The following TBCEL variants were observed in gnomAD, a reference collection of about 807,000 sequenced individuals.
TBCEL encodes tubulin folding cofactor E like.
TBCEL carries 15 observed loss-of-function variants against 44.2 expected under a neutral mutation model. The observed-to-expected ratio is 0.34, with a 90% CI of 0.23 to 0.52. TBCEL has a LOEUF of 0.52. TBCEL is among the 20% of genes least tolerant of loss of function. The pLI, the probability that TBCEL is intolerant of heterozygous loss-of-function variation, is 0.95. For missense variants in TBCEL, 319 were observed against 506.3 expected, an observed-to-expected ratio of 0.63 and a Z score of 3.55; for synonymous variants, 171 against 185.4, an observed-to-expected ratio of 0.92 and a Z score of 0.63.
intron 1 of TBCEL, chr11:121,036,155 A>G (rs1945228280): frequency 6.6e-6 from 1 of 152,220 alleles, no homozygotes. Context: ...GAGAGTGGTT[A>G]TGGAAAACTA....
At chr11:121,059,407 T>C (rs1036675604) in intron 7 of TBCEL, among the ~76,000 whole-genome samples, 2 of 151,960 alleles carry the variant, frequency 1.3e-5, no homozygotes, top group Non-Finnish European at 2.9e-5. Context: ...CTGGGCTGTT[T>C]AATATGGTAG....
intron 1 of TBCEL, among the ~76,000 whole-genome samples, chr11:121,034,347 C>A (rs1024182512): frequency 6.6e-6 from 1 of 152,034 alleles, no homozygotes; most frequent in Non-Finnish European, 1.5e-5. Flanking sequence ...AGTATGAAAT[C>A]TTTTGTGGTT....
At chr11:121,065,280 G>T (rs1306683768) in intron 8 of TBCEL, among the ~76,000 whole-genome samples, 1 of 152,144 alleles carries the variant, frequency 6.6e-6, no homozygotes, top group Non-Finnish European at 1.5e-5. Context: ...ATTCTCTCAG[G>T]CAGGGGGATT....
chr11:121,089,733 T>G lies in TBCEL; in HGVS notation c.*2637T>G, dbSNP rs1946265262. 6.6e-6 allele frequency: 1 copy of G among 152,180 alleles called. No individual in the cohort carries two copies. Among genetic ancestry groups the G allele is most frequent in the Non-Finnish European group, 1.5e-5 (1 of 68,036 alleles). 9.4% of individuals were successfully genotyped at this position (152,180 alleles called of 1,614,324 possible). A position where few individuals can be genotyped will look rare whatever the true frequency, so the allele number is the denominator to read the frequency against. On this transcript the variant is annotated 3_prime_UTR_variant, in exon 9 of 9. Transcript: ENST00000683345. ...AGCTTATCTGTATTTTAATATTGAC[T>G]TTGTCCAGATTCAGTGAGAACATAG...
At chr11:121,078,100 A>T (rs1157847343) in intron 8 of TBCEL, among the ~76,000 whole-genome samples, 1 of 151,788 alleles carries the variant, frequency 6.6e-6, no homozygotes, top group Non-Finnish European at 1.5e-5. Context: ...GTGTATTCTG[A>T]TATTGTTGGT....
intron 8 of TBCEL, among the ~76,000 whole-genome samples, chr11:121,064,629 T>C (rs921958756): frequency 4.6e-5 from 7 of 152,268 alleles, no homozygotes; most frequent in African/African-American, 1.7e-4. Flanking sequence ...GGCAACCTGA[T>C]TTCAGTGTCT....
rs1945235949 is a variant in TBCEL at position 121,036,627 on chromosome 11, ATAG to A, written c.-18+21_-18+23del. 6.6e-6 allele frequency: 1 copy of A among 152,212 alleles called. No individual in the cohort carries two copies. Among genetic ancestry groups the A allele is most frequent in the Non-Finnish European group, 1.5e-5 (1 of 68,040 alleles). 9.4% of individuals were successfully genotyped at this position (152,212 alleles called of 1,614,324 possible). A position where few individuals can be genotyped will look rare whatever the true frequency, so the allele number is the denominator to read the frequency against. On this transcript the variant is annotated intron_variant, in intron 2 of 8. Coordinates refer to ENST00000683345, the MANE Select transcript of TBCEL (RefSeq NM_001363644.2). Reference sequence around the variant, plus strand: ...CACACAAACAGGTACTTCAGTCTAAATAGTAGTATTGTCTTAATTTTTTTCCCC... The same window carrying A: ...CACACAAACAGGTACTTCAGTCTAAATAGTATTGTCTTAATTTTTTTCCCC...
chr11:121,085,377 G>A (rs1299585306), intron 8 of TBCEL, among the ~76,000 whole-genome samples: 1 of 152,104 alleles, frequency 6.6e-6, no homozygotes. Flanking sequence ...TTTAAAATAA[G>A]CTTCAGAGCA....
At chr11:121,057,513 T>C (rs1945642506) in intron 6 of TBCEL, 1 of 422,858 alleles carries the variant, frequency 2.4e-6, no homozygotes. Flanking sequence ...TTTAGATCCA[T>C]CTCTCCTGTC....
At chr11:121,066,739 T>C (rs990387276) in intron 8 of TBCEL, among the ~76,000 whole-genome samples, 2 of 152,242 alleles carry the variant, frequency 1.3e-5, no homozygotes, top group Admixed American at 1.3e-4. Context: ...ATTAGTATTA[T>C]ACTTATCTCT....
At chr11:121,048,866 T>G (rs1945480204) in intron 4 of TBCEL, among the ~76,000 whole-genome samples, 1 of 151,896 alleles carries the variant, frequency 6.6e-6, no homozygotes, top group African/African-American at 2.4e-5. Context: ...CTGCTCTCTT[T>G]CTTTTCTTGT....
At chr11:121,078,459 A>G (rs1158196064) in intron 8 of TBCEL, among the ~76,000 whole-genome samples, 3 of 152,210 alleles carry the variant, frequency 2.0e-5, no homozygotes, top group Non-Finnish European at 4.4e-5. Flanking sequence ...TCCTGCAGTA[A>G]TTACAGAGCT....
chr11:121,029,700 A>G lies in TBCEL; in HGVS notation c.-126+5409A>G, dbSNP rs147130286. Among the ~76,000 whole-genome samples the G allele has an allele frequency of 7.5e-3, 1,145 of 152,300 alleles. 4 individuals are homozygous for G. The highest frequency in any genetic ancestry group is 0.012 in the Non-Finnish European group (788 of 68,010). On this transcript the variant is annotated intron_variant, in intron 1 of 8. Coordinates refer to ENST00000683345, the MANE Select transcript of TBCEL (RefSeq NM_001363644.2). ...CTAATCATTCTTAGGAATGTGATCC[A>G]TAACAAGTACTATTGTGAAAAGTTA...
At chr11:121,086,646 A>G (rs2135028515) in intron 8 of TBCEL, 132 bp from the exon 9 acceptor site, 1 of 698,030 alleles carries the variant, frequency 1.4e-6, no homozygotes, top group Non-Finnish European at 2.4e-6. Context: ...CAGAGTCCAT[A>G]GGAGTCATGT....
At chr11:121,031,629 C>T (rs1442623172) in intron 1 of TBCEL, among the ~76,000 whole-genome samples, 7 of 128,820 alleles carry the variant, frequency 5.4e-5, no homozygotes, top group Admixed American at 3.0e-4. Flanking sequence ...TTTTTAATGT[C>T]TTTTGATGAT....
chr11:121,026,704 A>G (rs973439410), intron 1 of TBCEL, among the ~76,000 whole-genome samples: 1 of 152,222 alleles, frequency 6.6e-6, no homozygotes, highest in African/African-American at 2.4e-5. Flanking sequence ...ATGCTGGCAT[A>G]TATCAGCCAT....
At chr11:121,025,748 G>A (rs1945035531) in intron 1 of TBCEL, among the ~76,000 whole-genome samples, 1 of 151,742 alleles carries the variant, frequency 6.6e-6, no homozygotes. Context: ...TTTGGCCGGG[G>A]GAGAGGGAGG....
At chr11:121,045,079 G>C (rs1591389086) in intron 2 of TBCEL, among the ~76,000 whole-genome samples, 1 of 152,210 alleles carries the variant, frequency 6.6e-6, no homozygotes, top group South Asian at 2.1e-4. Flanking sequence ...CTAGGCAACA[G>C]ATGGAGGAAG....
chr11:121,031,245 A>G (rs2134879150), intron 1 of TBCEL, among the ~76,000 whole-genome samples: 2 of 152,320 alleles, frequency 1.3e-5, no homozygotes, highest in African/African-American at 4.8e-5. Flanking sequence ...TGCGTCTTCA[A>G]CTTTACTAGA....
Sources: gnomAD v4.1 joint callset for allele counts (sites outside exome capture counted in the v4.1 genomes callset) on GRCh38, gnomAD v4.1.1 for gene constraint, MANE v1.5 for transcripts, NCBI Gene and HGNC (gene_info 2026-07-23, HGNC 2026-07-21) for gene names.